CTNNA2: variants seen among roughly 807,000 people sequenced by gnomAD.
The protein encoded by CTNNA2 is catenin alpha-2.
In CTNNA2, 42 loss-of-function variants were observed where a neutral mutation model predicts 101.0. The observed-to-expected ratio is 0.42, with a 90% CI of 0.32 to 0.54. The LOEUF (loss-of-function observed/expected upper bound fraction) is 0.54, where lower values mean the gene tolerates loss of function less well. Among genes scored for constraint, CTNNA2 ranks in the 20% least tolerant of loss-of-function variants. The pLI is 0.14. For synonymous variants in CTNNA2, 450 were observed against 456.4 expected (o/e 0.99, Z 0.18); for missense variants, 871 against 1,223.1 (o/e 0.71, Z 4.29).
intron 7 of CTNNA2, among the ~76,000 whole-genome samples, chr2:79,991,776 T>A (rs1228737914): frequency 1.3e-5 from 2 of 152,120 alleles, no homozygotes; most frequent in African/African-American, 4.8e-5. Flanking sequence ...GGCTCCAGCC[T>A]CCCGTTTGTT....
At chr2:79,445,339 G>T (rs1035158191) in intron 4 of CTNNA2, among the ~76,000 whole-genome samples, 4 of 152,112 alleles carry the variant, frequency 2.6e-5, no homozygotes, top group Non-Finnish European at 2.9e-5. Flanking sequence ...CCCAAGTTTT[G>T]CAGAGTTCTG....
intron 7 of CTNNA2, among the ~76,000 whole-genome samples, chr2:79,933,888 A>G (rs747025725): frequency 1.3e-3 from 194 of 152,196 alleles, no homozygotes; most frequent in Non-Finnish European, 2.1e-3. Flanking sequence ...AATAGTTGTG[A>G]CAGCTTGATC....
chr2:80,236,946 G>A (rs1204728466), intron 7 of CTNNA2, among the ~76,000 whole-genome samples: 1 of 152,176 alleles, frequency 6.6e-6, no homozygotes, highest in African/African-American at 2.4e-5. Flanking sequence ...AAGAGGGAAA[G>A]CAAAGAGAAG....
At chr2:79,587,134 G>A (rs888031417) in intron 1 of CTNNA2, among the ~76,000 whole-genome samples, 2 of 152,112 alleles carry the variant, frequency 1.3e-5, no homozygotes, top group African/African-American at 2.4e-5. Context: ...AAACGTGTGT[G>A]CGCGTGTGTC....
chr2:80,134,549 A>T (rs1025724610), intron 7 of CTNNA2, among the ~76,000 whole-genome samples: 9 of 152,174 alleles, frequency 5.9e-5, no homozygotes, highest in Non-Finnish European at 7.4e-5. Flanking sequence ...CAGACAGAAG[A>T]GGAAGTGGGT....
At chr2:79,938,613 CAG>C (rs1475541238) in intron 7 of CTNNA2, among the ~76,000 whole-genome samples, 1 of 152,220 alleles carries the variant, frequency 6.6e-6, no homozygotes, top group Non-Finnish European at 1.5e-5. Context: ...GGCATAAAAT[CAG>C]AGTATGCACT....
intron 2 of CTNNA2, among the ~76,000 whole-genome samples, chr2:79,677,492 C>T (rs1357620421): frequency 3.3e-5 from 5 of 152,116 alleles, no homozygotes; most frequent in Admixed American, 6.5e-5. Flanking sequence ...AATGTGGAGT[C>T]GTAATAGGAA....
rs1293091279 is a variant in CTNNA2 at position 79,294,599 on chromosome 2, TAG to T, written c.-405-18106_-405-18105del. Among the ~76,000 whole-genome samples the T allele has an allele frequency of 1.1e-4, 16 of 152,296 alleles. No individual in the cohort carries two copies. In the East Asian group the frequency reaches 2.9e-3, roughly 28 times the overall value. On this transcript the variant is annotated intron_variant, in intron 2 of 21. Transcript: ENST00000466387. ...CACATGGTACTAACAAGATACCAAA[TAG>T]AGACTTTGGGTTAAAATATAAGTGG...
At chr2:79,878,292 T>A (rs1301675161) in intron 6 of CTNNA2, among the ~76,000 whole-genome samples, 17 of 152,210 alleles carry the variant, frequency 1.1e-4, no homozygotes, top group Non-Finnish European at 1.3e-4. Context: ...TGGATGTGGC[T>A]TTACGGTAGA....
chr2:80,263,104 G>C (rs1262193879), intron 7 of CTNNA2, among the ~76,000 whole-genome samples: 1 of 152,104 alleles, frequency 6.6e-6, no homozygotes. Context: ...AGGGTGTGGA[G>C]TGGGGAGAGT....
intron 1 of CTNNA2, among the ~76,000 whole-genome samples, chr2:79,628,594 C>T (rs909940000): frequency 6.6e-5 from 10 of 152,168 alleles, no homozygotes; most frequent in African/African-American, 2.4e-4. Flanking sequence ...GCAGTCCTAA[C>T]TGAATTATTT....
chr2:79,245,933 A>G (rs1051460614), intron 2 of CTNNA2, among the ~76,000 whole-genome samples: 2 of 152,350 alleles, frequency 1.3e-5, no homozygotes, highest in Admixed American at 6.5e-5. Flanking sequence ...AAGGCATTTT[A>G]TAGCTCAGAG....
intron 2 of CTNNA2, among the ~76,000 whole-genome samples, chr2:79,214,930 A>G (rs191711872): frequency 0.2 from 29,675 of 151,762 alleles, 3,288 homozygotes; most frequent in African/African-American, 0.3. Flanking sequence ...CAAGGGAAAC[A>G]GGCCCTTGAA....
At chr2:80,557,719 G>C (rs764008534) in intron 12 of CTNNA2, among the ~76,000 whole-genome samples, 2 of 152,192 alleles carry the variant, frequency 1.3e-5, no homozygotes, top group Admixed American at 1.3e-4. Context: ...ATCTTGGACT[G>C]CTTTGACAAC....
chr2:79,868,764 G>A (rs1486994030), intron 4 of CTNNA2, among the ~76,000 whole-genome samples: 6 of 152,182 alleles, frequency 3.9e-5, no homozygotes, highest in Non-Finnish European at 8.8e-5. Flanking sequence ...CTCAGGAAAT[G>A]GAACTAGTCG....
intron 4 of CTNNA2, among the ~76,000 whole-genome samples, chr2:79,460,670 C>A (rs1367319744): frequency 6.6e-6 from 1 of 152,116 alleles, no homozygotes; most frequent in Non-Finnish European, 1.5e-5. Context: ...GCTTGGCCAG[C>A]ACAACACCAG....
upstream of CTNNA2, among the ~76,000 whole-genome samples, chr2:79,511,566 A>G (rs1671541906): frequency 6.6e-6 from 1 of 152,154 alleles, no homozygotes; most frequent in Non-Finnish European, 1.5e-5. Context: ...ATTCTTCTTA[A>G]GCCAATATCC....
chr2:80,052,821 T>C (rs921935747), intron 7 of CTNNA2, among the ~76,000 whole-genome samples: 1 of 152,204 alleles, frequency 6.6e-6, no homozygotes, highest in Non-Finnish European at 1.5e-5. Flanking sequence ...CGTCCTTTCA[T>C]AAGAATCCAA....
intron 1 of CTNNA2, among the ~76,000 whole-genome samples, chr2:79,569,398 A>G (rs1675325896): frequency 2.0e-5 from 3 of 152,186 alleles, no homozygotes; most frequent in Non-Finnish European, 4.4e-5. Flanking sequence ...GGACTGAGAA[A>G]CGATGGAAGA....
Sources: allele counts gnomAD v4.1 joint callset (sites outside exome capture counted in the v4.1 genomes callset), GRCh38; gene constraint gnomAD v4.1.1; transcripts MANE v1.5; gene names NCBI Gene and HGNC (gene_info 2026-07-23, HGNC 2026-07-21).